The following SSR3 variants were observed in gnomAD, a reference collection of about 807,000 sequenced individuals.
SSR3 encodes translocon-associated protein subunit gamma.
Under a neutral mutation model 22.1 loss-of-function variants are expected in SSR3, and 10 were observed. The ratio of observed to expected loss-of-function variants is 0.45; its 90% CI spans 0.28 to 0.77. The LOEUF is 0.77. Ranked by LOEUF, SSR3 falls within the 30% of genes least tolerant of loss-of-function variation. The pLI, the probability that SSR3 is intolerant of heterozygous loss-of-function variation, is 0.13. For synonymous variants in SSR3, 104 were observed against 82.5 expected (o/e 1.26, Z -1.42); for missense variants, 181 against 220.5 (o/e 0.82, Z 1.13).
chr3:156,555,058 G>C lies in SSR3; in HGVS notation c.32C>G (p.Ser11Cys). 6.2e-7 allele frequency: 1 copy of C among 1,613,966 alleles called. No individual in the cohort carries two copies. Among genetic ancestry groups the C allele is most frequent in the East Asian group, 2.2e-5 (1 of 44,878 alleles). The change falls in exon 1 of 5, where the codon TCT becomes TGT. Residue 11 changes from serine (S) to cysteine (C), a missense_variant. Physicochemically the swap from Ser to Cys is moderately radical, Grantham distance 112 (BLOSUM62 -1). Coordinates refer to ENST00000265044, the MANE Select transcript of SSR3 (RefSeq NM_007107.5). MAPKGSSKQQ[S>C]EEDLLLQDFS... ...ATCCTGCAGGAGCAGGTCCTCCTCA[G>C]ACTGCTGTTTGGAGCTGCCTTTAGG...
intron 3 of SSR3, among the ~76,000 whole-genome samples, chr3:156,547,438 T>C (rs1719805657): frequency 6.6e-6 from 1 of 152,212 alleles, no homozygotes; most frequent in Non-Finnish European, 1.5e-5. Context: ...CATTTTGAAA[T>C]TTAGGTAACT....
chr3:156,552,327 T>C (rs534445921), intron 2 of SSR3, among the ~76,000 whole-genome samples: 1 of 146,420 alleles, frequency 6.8e-6, no homozygotes, highest in Non-Finnish European at 1.5e-5. Flanking sequence ...AAAGCCATGA[T>C]GAGTTGTTAT....
At chr3:156,552,469 A>G (rs953549570) in intron 2 of SSR3, among the ~76,000 whole-genome samples, 1 of 152,226 alleles carries the variant, frequency 6.6e-6, no homozygotes, top group Admixed American at 6.5e-5. Flanking sequence ...CATACAGTGC[A>G]TGGCAGGGCG....
intron 1 of SSR3, 108 bp downstream of exon 1, chr3:156,554,849 G>A: frequency 2.1e-6 from 3 of 1,434,376 alleles, no homozygotes; most frequent in Middle Eastern, 2.4e-4. Context: ...AGAGATTGCC[G>A]ACCCCCGGCC....
At chr3:156,552,367 T>C (rs138017185) in intron 2 of SSR3, among the ~76,000 whole-genome samples, 22 of 150,616 alleles carry the variant, frequency 1.5e-4, no homozygotes, top group African/African-American at 5.1e-4. Flanking sequence ...TGATGTCACA[T>C]AAGGAGAAAT....
chr3:156,549,727 T>C (rs536733955), intron 2 of SSR3, among the ~76,000 whole-genome samples: 1 of 152,336 alleles, frequency 6.6e-6, no homozygotes, highest in East Asian at 1.9e-4. Context: ...TTTCAAATAA[T>C]GTATTTTTTA....
At chr3:156,546,580 C>A (rs917898182) in intron 3 of SSR3, among the ~76,000 whole-genome samples, 1 of 152,116 alleles carries the variant, frequency 6.6e-6, no homozygotes, top group Admixed American at 6.5e-5. Flanking sequence ...CCACCCATAT[C>A]CTGTTTTTGT....
At chr3:156,545,777 T>C (rs542234282) in intron 3 of SSR3, among the ~76,000 whole-genome samples, 18 of 152,194 alleles carry the variant, frequency 1.2e-4, no homozygotes, top group African/African-American at 3.6e-4. Flanking sequence ...TCTAATTTCA[T>C]AGAAGTTTAA....
chr3:156,542,330 A>C lies in SSR3; in HGVS notation c.*873T>G, dbSNP rs1024747347. 1 of 152,260 alleles carries C rather than the reference A, an allele frequency of 6.6e-6. No homozygotes were observed. The highest frequency in any genetic ancestry group is 2.1e-4 in the South Asian group (1 of 4,836). The allele number at this position is 152,260 out of a possible 1,614,324, so 9.4% of individuals were successfully genotyped here. ...ACTAAAATCACTGTAAATTCCTTGGAGAGTTCTCAGAATTGCAGAAGTTCA... is the reference window on the plus strand; with the variant it reads ...ACTAAAATCACTGTAAATTCCTTGGCGAGTTCTCAGAATTGCAGAAGTTCA... On this transcript the variant is annotated 3_prime_UTR_variant, in exon 5 of 5. Transcript: ENST00000265044.
intron 3 of SSR3, among the ~76,000 whole-genome samples, chr3:156,545,308 A>G (rs6771728): frequency 0.09 from 13,731 of 152,294 alleles, 756 homozygotes; most frequent in Non-Finnish European, 0.12. Context: ...TCAGCAGCAC[A>G]TCGCACAGAG....
At chr3:156,552,839 G>A (rs767889398) in intron 2 of SSR3, among the ~76,000 whole-genome samples, 8 of 152,126 alleles carry the variant, frequency 5.3e-5, no homozygotes, top group South Asian at 2.1e-4. Flanking sequence ...CTAAGTCTAC[G>A]TGATCCTGCA....
chr3:156,545,581 TTTGCCGGAAAGG>T (rs1719730677), intron 3 of SSR3, among the ~76,000 whole-genome samples: 4 of 152,244 alleles, frequency 2.6e-5, no homozygotes, highest in African/African-American at 9.6e-5. Flanking sequence ...GAAAACAAGT[TTTGCCGGAAAGG>T]AGCTAAATGA....
intron 3 of SSR3, among the ~76,000 whole-genome samples, chr3:156,545,524 G>A (rs1719728818): frequency 6.6e-6 from 1 of 152,170 alleles, no homozygotes; most frequent in Non-Finnish European, 1.5e-5. Context: ...CTTTAAGTAA[G>A]TCATTGGTAA....
chr3:156,546,432 G>A (rs548916093), intron 3 of SSR3, among the ~76,000 whole-genome samples: 71 of 152,244 alleles, frequency 4.7e-4, no homozygotes, highest in Admixed American at 1.5e-3. Flanking sequence ...ACTAATACAA[G>A]AACCATTTTC....
At chr3:156,553,559 T>C in intron 2 of SSR3, 96 bp downstream of exon 2, 1 of 1,267,846 alleles carries the variant, frequency 7.9e-7, no homozygotes, top group Non-Finnish European at 1.1e-6. Context: ...TATCTCAAAT[T>C]AATGCTTATT....
chr3:156,544,489 A>G, intron 3 of SSR3, 50 bp from the exon 4 acceptor site: 1 of 1,450,408 alleles, frequency 6.9e-7, no homozygotes, highest in African/African-American at 1.4e-5. Context: ...GATTTAAAAA[A>G]ACTTTTAAGT....
At chr3:156,552,360 T>C (rs1199812657) in intron 2 of SSR3, among the ~76,000 whole-genome samples, 1 of 150,158 alleles carries the variant, frequency 6.7e-6, no homozygotes, top group Non-Finnish European at 1.5e-5. Flanking sequence ...ATAAAAATGA[T>C]GTCACATAAG....
Position 156,553,799 on chromosome 3 carries a change from G to A in SSR3, c.134-18C>T, listed in dbSNP as rs201924517. ...GTATAACCCTGAATTAAAATAAAAGGGGGAAGGGTACAAAAAGAAGCAAAA... is the reference window on the plus strand; with the variant it reads ...GTATAACCCTGAATTAAAATAAAAGAGGGAAGGGTACAAAAAGAAGCAAAA... On this transcript the variant is annotated intron_variant, in intron 1 of 4. Coordinates refer to ENST00000265044, the MANE Select transcript of SSR3 (RefSeq NM_007107.5). The A allele has an allele frequency of 1.9e-6, 3 of 1,582,280 alleles. No individual in the cohort carries two copies. The East Asian group carries it at 6.8e-5, about 36-fold the overall frequency.
At chr3:156,553,894 GT>G in intron 1 of SSR3, 113 bp from the exon 2 acceptor site, 24 of 1,071,970 alleles carry the variant, frequency 2.2e-5, no homozygotes, top group Non-Finnish European at 2.0e-5. Context: ...CAGGTTATTA[GT>G]TATGCAATCC....
Sources: allele counts gnomAD v4.1 joint callset (sites outside exome capture counted in the v4.1 genomes callset), GRCh38; gene constraint gnomAD v4.1.1; transcripts MANE v1.5; gene names NCBI Gene and HGNC (gene_info 2026-07-23, HGNC 2026-07-21).